The following ACAP2 variants were observed in gnomAD, a reference collection of about 807,000 sequenced individuals.
ACAP2 encodes the protein arf-GAP with coiled-coil, ANK repeat and PH domain-containing protein 2.
Under a neutral mutation model 115.8 loss-of-function variants are expected in ACAP2, and 39 were observed. That is an observed-to-expected ratio of 0.34 (90% CI 0.26 to 0.44). The LOEUF (loss-of-function observed/expected upper bound fraction) is 0.44. Ranked by LOEUF, ACAP2 falls within the 20% of genes least tolerant of loss-of-function variation. The pLI is 1.00. For missense variants in ACAP2, 662 were observed against 927.6 expected (o/e 0.71, Z 3.72); for synonymous variants, 289 against 315.8 (o/e 0.92, Z 0.90).
chr3:195,433,847 T>C lies in ACAP2; in HGVS notation c.53+8948A>G, dbSNP rs1476503310. 2.0e-5 allele frequency among the ~76,000 whole-genome samples: 3 copies of C among 152,234 alleles called. No homozygotes were observed. The East Asian group carries it at 5.8e-4, about 29-fold the overall frequency. On this transcript the variant is annotated intron_variant, in intron 1 of 22. Coordinates refer to ENST00000326793, the MANE Select transcript of ACAP2 (RefSeq NM_012287.6). ...TTATATGGTGCTATATTCAGTTTGC[T>C]AGTACTTTCGTCAAAGATTTTTGTA...
intron 1 of ACAP2, among the ~76,000 whole-genome samples, chr3:195,411,893 G>GAA (rs79065446): frequency 1.6e-5 from 2 of 123,304 alleles, no homozygotes; most frequent in Non-Finnish European, 1.8e-5. Flanking sequence ...TAGTAATAAG[G>GAA]AAAAAAAAAA....
chr3:195,441,936 G>A (rs1446854540), intron 1 of ACAP2: 1 of 152,298 alleles, frequency 6.6e-6, no homozygotes, highest in Non-Finnish European at 1.5e-5. Flanking sequence ...TGTCAACTCT[G>A]TGACAGATCC....
chr3:195,380,572 C>T (rs1464600583), intron 4 of ACAP2, among the ~76,000 whole-genome samples: 16 of 152,108 alleles, frequency 1.1e-4, no homozygotes, highest in Non-Finnish European at 8.8e-5. Flanking sequence ...ATATAAATAG[C>T]TCAAAGAATA....
intron 9 of ACAP2, chr3:195,325,350 T>C (rs1412027431): frequency 4.7e-6 from 2 of 422,048 alleles, no homozygotes; most frequent in African/African-American, 4.2e-5. Flanking sequence ...TTGATCAATT[T>C]AAATTTTTGA....
chr3:195,362,943 G>A (rs1732468157), intron 4 of ACAP2, among the ~76,000 whole-genome samples: 1 of 152,122 alleles, frequency 6.6e-6, no homozygotes, highest in South Asian at 2.1e-4. Context: ...ACTTATTATG[G>A]AAGTCCTAAG....
chr3:195,405,975 C>T (rs1220803588), intron 1 of ACAP2, among the ~76,000 whole-genome samples: 1 of 152,120 alleles, frequency 6.6e-6, no homozygotes, highest in Non-Finnish European at 1.5e-5. Context: ...AAACTGCCCC[C>T]ATGATCCAAT....
At chr3:195,430,016 A>C (rs1245831182) in intron 1 of ACAP2, among the ~76,000 whole-genome samples, 1 of 152,178 alleles carries the variant, frequency 6.6e-6, no homozygotes, top group Non-Finnish European at 1.5e-5. Context: ...AATTTTCTAT[A>C]ATCAAAAAAT....
chr3:195,407,377 A>C (rs931350526), intron 1 of ACAP2, among the ~76,000 whole-genome samples: 3 of 152,082 alleles, frequency 2.0e-5, no homozygotes, highest in African/African-American at 2.4e-5. Context: ...AAAGGAAAAA[A>C]TACATTAAAA....
At chr3:195,403,447 A>G (rs1270206145) in intron 1 of ACAP2, among the ~76,000 whole-genome samples, 1 of 152,224 alleles carries the variant, frequency 6.6e-6, no homozygotes, top group Non-Finnish European at 1.5e-5. Context: ...GCAAAGAAAC[A>G]AAAGAGGAAG....
At chr3:195,397,500 C>G (rs1056248318) in intron 1 of ACAP2, among the ~76,000 whole-genome samples, 31 of 152,100 alleles carry the variant, frequency 2.0e-4, no homozygotes, top group African/African-American at 7.2e-4. Context: ...CCATTAAATA[C>G]TTTTATAATG....
chr3:195,350,494 C>CA (rs1452904587), intron 4 of ACAP2, among the ~76,000 whole-genome samples: 1 of 151,292 alleles, frequency 6.6e-6, no homozygotes, highest in Non-Finnish European at 1.5e-5. Context: ...GACAAAAATT[C>CA]AAAAAATTAG....
At chr3:195,285,590 T>C (rs906506216) in intron 22 of ACAP2, 11 of 521,340 alleles carry the variant, frequency 2.1e-5, no homozygotes, top group African/African-American at 2.0e-4. Flanking sequence ...GAGTTACGAA[T>C]GTTTAAAGGC....
At chr3:195,322,434 C>T (rs1729509348) in intron 9 of ACAP2, among the ~76,000 whole-genome samples, 1 of 151,876 alleles carries the variant, frequency 6.6e-6, no homozygotes, top group Non-Finnish European at 1.5e-5. Context: ...TGTACTAAGT[C>T]AGGAACAGGA....
chr3:195,312,471 T>C (rs1728833312), intron 10 of ACAP2, among the ~76,000 whole-genome samples: 1 of 152,144 alleles, frequency 6.6e-6, no homozygotes, highest in Admixed American at 6.5e-5. Flanking sequence ...TAGACATATA[T>C]GTAATTTTTT....
intron 10 of ACAP2, among the ~76,000 whole-genome samples, chr3:195,318,084 T>C (rs1729210769): frequency 6.6e-6 from 1 of 152,158 alleles, no homozygotes. Context: ...CAGTTTCCCC[T>C]GAGCTCTCTC....
intron 18 of ACAP2, among the ~76,000 whole-genome samples, chr3:195,293,399 A>G (rs1727398357): frequency 6.6e-6 from 1 of 152,192 alleles, no homozygotes; most frequent in Admixed American, 6.5e-5. Flanking sequence ...CAAAAGAAAA[A>G]TCTAATGGGG....
chr3:195,415,483 G>C (rs895233989), intron 1 of ACAP2, among the ~76,000 whole-genome samples: 1 of 151,792 alleles, frequency 6.6e-6, no homozygotes, highest in African/African-American at 2.4e-5. Context: ...CACCATGTTG[G>C]CCAGGCTGGT....
intron 1 of ACAP2, among the ~76,000 whole-genome samples, chr3:195,393,886 G>C (rs200219962): frequency 2.5e-4 from 17 of 66,758 alleles, no homozygotes; most frequent in African/African-American, 4.0e-4. Context: ...TATTATATTG[G>C]GGGGGGGGGA....
chr3:195,292,650 G>C (rs989638842), intron 18 of ACAP2, among the ~76,000 whole-genome samples, 198 bp from the exon 19 acceptor site: 1 of 152,062 alleles, frequency 6.6e-6, no homozygotes, highest in Non-Finnish European at 1.5e-5. Flanking sequence ...GGCCAGGCAC[G>C]GTGGCTCACG....
Sources: gnomAD v4.1 joint callset for allele counts (sites outside exome capture counted in the v4.1 genomes callset) on GRCh38, gnomAD v4.1.1 for gene constraint, MANE v1.5 for transcripts, NCBI Gene and HGNC (gene_info 2026-07-23, HGNC 2026-07-21) for gene names.